The following GARRE1 variants were observed in gnomAD, a reference collection of about 807,000 sequenced individuals.
GARRE1 encodes granule associated Rac and RHOG effector protein 1.
GARRE1 carries 49 observed loss-of-function variants against 103.2 expected under a neutral mutation model. That is an observed-to-expected ratio of 0.47 (90% CI 0.38 to 0.60). The LOEUF (loss-of-function observed/expected upper bound fraction) is 0.60, where lower values mean the gene tolerates loss of function less well. Ranked by LOEUF, GARRE1 falls within the 20% of genes least tolerant of loss-of-function variation. GARRE1 has a pLI of 0.00. For synonymous variants in GARRE1, 505 were observed against 532.8 expected (o/e 0.95, Z 0.72); for missense variants, 1,199 against 1,370.5 (o/e 0.87, Z 1.98).
intron 10 of GARRE1, among the ~76,000 whole-genome samples, chr19:34,344,980 A>G (rs182935545): frequency 1.6e-4 from 24 of 152,270 alleles, no homozygotes; most frequent in South Asian, 6.2e-4. Flanking sequence ...CTAGGACTAC[A>G]GGCGCACGCT....
At chr19:34,311,345 C>A (rs1476315959) in intron 2 of GARRE1, among the ~76,000 whole-genome samples, 1 of 152,184 alleles carries the variant, frequency 6.6e-6, no homozygotes, top group African/African-American at 2.4e-5. Flanking sequence ...AGAAGTACTG[C>A]ATGAGATTAG....
At chr19:34,319,804 C>G in intron 2 of GARRE1, 103 bp from the exon 3 acceptor site, 1 of 965,454 alleles carries the variant, frequency 1.0e-6, no homozygotes, top group Non-Finnish European at 1.6e-6. Flanking sequence ...TTTTGGATTT[C>G]CAGTTAACTA....
In GARRE1 at chr19:34,300,924, G is replaced by A; in HGVS notation, c.451G>A (p.Ala151Thr). 3 of 1,605,460 alleles carry A rather than the reference G, an allele frequency of 1.9e-6. No individual in the cohort carries two copies. Among genetic ancestry groups the A allele is most frequent in the Non-Finnish European group, 1.7e-6 (2 of 1,179,844 alleles). The change falls in exon 2 of 14, where the codon GCA becomes ACA. Residue 151 changes from alanine (A) to threonine (T), a missense_variant. Ala to Thr is a moderately conservative substitution (Grantham distance 58). Transcript: ENST00000299505. The stretch of plus-strand genomic sequence containing the variant: ...GCTAATGGAACTTAGTGCTGGGGCT[G>A]CAAATTTTACGGATCAGAAGGAATT... The part of the protein sequence containing the change: ...KMLMELSAGA[A>T]NFTDQKEFSL...
At chr19:34,286,604 C>G (rs2073888420) in intron 1 of GARRE1, among the ~76,000 whole-genome samples, 1 of 151,006 alleles carries the variant, frequency 6.6e-6, no homozygotes, top group Non-Finnish European at 1.5e-5. Flanking sequence ...CGGGATCACG[C>G]CATTCTCCTG....
chr19:34,311,274 C>G (rs555316303), intron 2 of GARRE1, among the ~76,000 whole-genome samples: 2 of 152,198 alleles, frequency 1.3e-5, no homozygotes, highest in African/African-American at 2.4e-5. Flanking sequence ...GACTACACCT[C>G]TTAGTTCCTT....
At chr19:34,263,514 G>C (rs2073732784) in intron 1 of GARRE1, among the ~76,000 whole-genome samples, 1 of 145,346 alleles carries the variant, frequency 6.9e-6, no homozygotes, top group Non-Finnish European at 1.5e-5. Context: ...GTCTTGCTCT[G>C]TTGCCTAGGC....
intron 2 of GARRE1, among the ~76,000 whole-genome samples, chr19:34,309,874 A>G (rs1292686232): frequency 2.0e-5 from 3 of 152,232 alleles, no homozygotes; most frequent in African/African-American, 7.2e-5. Flanking sequence ...CCCAAGGTGT[A>G]GGGATGAAGA....
In GARRE1 at chr19:34,342,072, C is replaced by A; in HGVS notation, c.2138C>A (p.Pro713His). 6.2e-7 allele frequency: 1 copy of A among 1,614,142 alleles called. No individual in the cohort carries two copies. ...PQAGAHTPLT[P>H]QPGLAPQQQS... ...GCTGGGGCACACACACCTCTGACAC[C>A]CCAGCCGGGACTGGCACCTCAGCAG... The change falls in exon 10 of 14, where the codon CCC becomes CAC. Residue 713 changes from proline to histidine, a missense_variant. By Grantham distance (77) the Pro-to-His change is moderately conservative (BLOSUM62 -2). Coordinates refer to ENST00000299505, the MANE Select transcript of GARRE1 (RefSeq NM_014686.5).
intron 1 of GARRE1, among the ~76,000 whole-genome samples, chr19:34,293,775 T>C (rs1030514114): frequency 1.5e-5 from 2 of 135,590 alleles, no homozygotes; most frequent in Admixed American, 7.4e-5. Flanking sequence ...TTTTTTTTTT[T>C]TGAGACGGAG....
chr19:34,319,573 T>C (rs2074075777), intron 2 of GARRE1, among the ~76,000 whole-genome samples: 1 of 152,142 alleles, frequency 6.6e-6, no homozygotes, highest in Admixed American at 6.5e-5. Context: ...ATGGCTGTGG[T>C]TCAGCAGGAG....
At chr19:34,260,666 G>T (rs1393010661) in intron 1 of GARRE1, among the ~76,000 whole-genome samples, 2 of 152,172 alleles carry the variant, frequency 1.3e-5, no homozygotes, top group African/African-American at 4.8e-5. Context: ...AGTATTTGTT[G>T]AAGGAATGAA....
chr19:34,271,245 CTTTTTTTTT>C (rs1199086211), intron 1 of GARRE1, among the ~76,000 whole-genome samples: 1 of 105,690 alleles, frequency 9.5e-6, no homozygotes, highest in African/African-American at 3.5e-5. Context: ...TGTGCACTTT[CTTTTTTTTT>C]TTTTTTTTTT....
At chr19:34,286,427 G>A (rs966538100) in intron 1 of GARRE1, among the ~76,000 whole-genome samples, 10 of 151,900 alleles carry the variant, frequency 6.6e-5, no homozygotes, top group African/African-American at 2.4e-4. Flanking sequence ...CACCGTGTTA[G>A]CCAGGATGGT....
chr19:34,269,980 A>G (rs2073776683), intron 1 of GARRE1, among the ~76,000 whole-genome samples: 1 of 152,152 alleles, frequency 6.6e-6, no homozygotes, highest in Non-Finnish European at 1.5e-5. Flanking sequence ...CCCCACCCCA[A>G]AGTGTCACTT....
In GARRE1 at chr19:34,327,478, C is replaced by G; in HGVS notation, c.763C>G (p.Gln255Glu). 3 of 1,614,056 alleles carry G rather than the reference C, an allele frequency of 1.9e-6. No homozygotes were observed. Among genetic ancestry groups the G allele is most frequent in the Non-Finnish European group, 2.5e-6 (3 of 1,179,980 alleles). The change falls in exon 4 of 14, where the codon CAA (glutamine) becomes GAA (glutamate). Residue 255 changes from glutamine (Q) to glutamate (E), a missense_variant. By Grantham distance (29) the Gln-to-Glu change is conservative. Transcript: ENST00000299505. Reference sequence around the variant, plus strand: ...TGGTTGCCTGGCAGGAATTGAAGTTCAACAACTCTTTTGTTCTCAAAGTGC... The same window carrying G: ...TGGTTGCCTGGCAGGAATTGAAGTTGAACAACTCTTTTGTTCTCAAAGTGC... ...CDGCLAGIEV[Q>E]QLFCSQSAAI... is the part of the protein sequence containing the mutation.
chr19:34,310,004 A>G (rs2074029344), intron 2 of GARRE1, among the ~76,000 whole-genome samples: 1 of 152,214 alleles, frequency 6.6e-6, no homozygotes, highest in Non-Finnish European at 1.5e-5. Flanking sequence ...GAGTCAAGGA[A>G]AGAATGAAAT....
chr19:34,279,446 C>T lies in GARRE1; in HGVS notation c.-795-20233C>T, dbSNP rs572704387. On this transcript the variant is annotated intron_variant, in intron 1 of 13. Transcript: ENST00000299505. ...TCAGCCTCCCAAGTAGCTGGGACCA[C>T]GCCTGGCTATTTTTTTTTTTATTTT... 3.3e-5 allele frequency among the ~76,000 whole-genome samples: 5 copies of T among 152,064 alleles called. No homozygotes were observed. The South Asian group carries it at 1.0e-3, about 32-fold the overall frequency.
At chr19:34,317,081 T>C (rs2145257140) in intron 2 of GARRE1, among the ~76,000 whole-genome samples, 1 of 152,330 alleles carries the variant, frequency 6.6e-6, no homozygotes, top group East Asian at 1.9e-4. Context: ...CAGCCATTCC[T>C]CAGAACTTTG....
intron 1 of GARRE1, among the ~76,000 whole-genome samples, chr19:34,278,242 G>C (rs2073829314): frequency 1.3e-5 from 2 of 151,794 alleles, no homozygotes; most frequent in South Asian, 4.2e-4. Flanking sequence ...TCAGAAGTTT[G>C]AGACCAGCCT....
Sources: allele counts gnomAD v4.1 joint callset (sites outside exome capture counted in the v4.1 genomes callset), GRCh38; gene constraint gnomAD v4.1.1; transcripts MANE v1.5; gene names NCBI Gene and HGNC (gene_info 2026-07-23, HGNC 2026-07-21).